The following GRIN3A variants were observed in gnomAD, a reference collection of about 807,000 sequenced individuals.
GRIN3A encodes the protein glutamate ionotropic receptor NMDA type subunit 3A, also known as glutamate receptor ionotropic, NMDA 3A.
A neutral mutation model predicts 92.4 loss-of-function variants in GRIN3A; 47 were observed. The ratio of observed to expected loss-of-function variants is 0.51; its 90% CI spans 0.40 to 0.65. The LOEUF (loss-of-function observed/expected upper bound fraction) is 0.65, where lower values mean the gene tolerates loss of function less well. Ranked by LOEUF, GRIN3A falls within the 30% of genes least tolerant of loss-of-function variation. The pLI is 0.00. For synonymous variants in GRIN3A, 527 were observed against 540.6 expected (o/e 0.97, Z 0.35); for missense variants, 1,324 against 1,393.1 (o/e 0.95, Z 0.79).
At chr9:101,659,747 A>C (rs1174578722) in intron 3 of GRIN3A, among the ~76,000 whole-genome samples, 1 of 151,840 alleles carries the variant, frequency 6.6e-6, no homozygotes, top group Non-Finnish European at 1.5e-5. Context: ...ATGATCTTAG[A>C]CTTTCATTAA....
intron 1 of GRIN3A, among the ~76,000 whole-genome samples, chr9:101,726,579 A>T (rs1830084079): frequency 6.6e-6 from 1 of 152,140 alleles, no homozygotes; most frequent in African/African-American, 2.4e-5. Flanking sequence ...ATAACAATCC[A>T]ATAGAACTTC....
chr9:101,583,182 C>T (rs1019119349), intron 6 of GRIN3A, among the ~76,000 whole-genome samples: 6 of 152,192 alleles, frequency 3.9e-5, no homozygotes, highest in African/African-American at 1.4e-4. Flanking sequence ...ATCCAGGCTG[C>T]GGATCCAGGA....
intron 1 of GRIN3A, among the ~76,000 whole-genome samples, chr9:101,734,837 G>A (rs1830182162): frequency 6.6e-6 from 1 of 151,888 alleles, no homozygotes; most frequent in African/African-American, 2.4e-5. Flanking sequence ...CTTTCTTCTC[G>A]AATCCTTTAT....
At chr9:101,663,185 T>C (rs1409388597) in intron 3 of GRIN3A, among the ~76,000 whole-genome samples, 1 of 151,876 alleles carries the variant, frequency 6.6e-6, no homozygotes, top group Non-Finnish European at 1.5e-5. Context: ...TTTAACTCAT[T>C]TATCTCATTC....
chr9:101,722,124 C>G (rs1258280817), intron 1 of GRIN3A, among the ~76,000 whole-genome samples: 5 of 152,184 alleles, frequency 3.3e-5, no homozygotes, highest in Admixed American at 6.5e-5. Flanking sequence ...GCATTGGTGC[C>G]CCGTGTCCCA....
intron 1 of GRIN3A, among the ~76,000 whole-genome samples, chr9:101,687,424 G>T (rs947181727): frequency 5.3e-5 from 8 of 152,140 alleles, no homozygotes; most frequent in Non-Finnish European, 1.2e-4. Context: ...ACCAGAGGGT[G>T]GATGGTTCTT....
chr9:101,718,650 A>G (rs1162490780), intron 1 of GRIN3A, among the ~76,000 whole-genome samples: 3 of 152,242 alleles, frequency 2.0e-5, no homozygotes, highest in Admixed American at 6.5e-5. Flanking sequence ...TTACATTAAT[A>G]TAACACTGAA....
In GRIN3A at chr9:101,569,644, G is replaced by C. The variant is rs1827733172; in HGVS notation, c.*3530C>G. 6.6e-6 allele frequency: 1 copy of C among 152,084 alleles called. No homozygotes were observed. The highest frequency in any genetic ancestry group is 2.4e-5 in the African/African-American group (1 of 41,414). 9.4% of individuals were successfully genotyped at this position (152,084 alleles called of 1,614,324 possible). On this transcript the variant is annotated 3_prime_UTR_variant, in exon 9 of 9. Transcript: ENST00000361820. The stretch of plus-strand genomic sequence containing the variant: ...TAAAAAAAAAGAGTGAGGGAATCCT[G>C]GATTAGATGGATAGTTTAGGTGGGT...
At chr9:101,641,665 G>T (rs1828865481) in intron 3 of GRIN3A, among the ~76,000 whole-genome samples, 1 of 151,884 alleles carries the variant, frequency 6.6e-6, no homozygotes, top group South Asian at 2.1e-4. Flanking sequence ...AGCATTAGGA[G>T]ATATACCTAA....
chr9:101,658,478 G>C (rs1829120785), intron 3 of GRIN3A, among the ~76,000 whole-genome samples: 1 of 151,672 alleles, frequency 6.6e-6, no homozygotes, highest in Non-Finnish European at 1.5e-5. Flanking sequence ...TTTGCCAATT[G>C]ATTTACCTCC....
intron 2 of GRIN3A, among the ~76,000 whole-genome samples, chr9:101,675,352 A>G (rs951600789): frequency 2.0e-5 from 3 of 152,050 alleles, no homozygotes; most frequent in Non-Finnish European, 2.9e-5. Context: ...GACAGTTCAC[A>G]GTATAAGCAA....
At chr9:101,709,642 T>C (rs1323991981) in intron 1 of GRIN3A, among the ~76,000 whole-genome samples, 2 of 152,256 alleles carry the variant, frequency 1.3e-5, no homozygotes, top group African/African-American at 4.8e-5. Context: ...AGTTTGTTCA[T>C]TTGTAATTTG....
intron 1 of GRIN3A, among the ~76,000 whole-genome samples, chr9:101,696,264 A>T (rs1292390800): frequency 6.6e-6 from 1 of 152,236 alleles, no homozygotes; most frequent in Non-Finnish European, 1.5e-5. Context: ...AAAGTGCTTT[A>T]TGAAGTGGAG....
At chr9:101,590,538 C>T (rs548573440) in intron 6 of GRIN3A, among the ~76,000 whole-genome samples, 69 of 151,870 alleles carry the variant, frequency 4.5e-4, no homozygotes, top group Non-Finnish European at 8.5e-4. Flanking sequence ...CGTGCCACCA[C>T]GCCCAGCTAA....
rs114516319 is a variant in GRIN3A, at chr9:101,732,286, G to A, written c.699+4995C>T. Among the ~76,000 whole-genome samples, 1,242 of 152,246 alleles carry A rather than the reference G, an allele frequency of 8.2e-3. 19 individuals are homozygous for A. The highest frequency in any genetic ancestry group is 0.028 in the African/African-American group (1,174 of 41,542). On this transcript the variant is annotated intron_variant, in intron 1 of 8. Coordinates refer to ENST00000361820, the MANE Select transcript of GRIN3A (RefSeq NM_133445.3). ...ATGTTTGCTTTGTGGTGTAGTTGGCGGAATAGGAGTGAGAGTGGGGTAGAC... is the reference window on the plus strand; with the variant it reads ...ATGTTTGCTTTGTGGTGTAGTTGGCAGAATAGGAGTGAGAGTGGGGTAGAC...
At chr9:101,596,834 G>A (rs1828139890) in intron 6 of GRIN3A, among the ~76,000 whole-genome samples, 1 of 152,222 alleles carries the variant, frequency 6.6e-6, no homozygotes, top group East Asian at 1.9e-4. Flanking sequence ...GAAGGGTGAG[G>A]ATCCCACTGG....
intron 3 of GRIN3A, among the ~76,000 whole-genome samples, chr9:101,663,435 T>C (rs1829201456): frequency 6.6e-6 from 1 of 151,850 alleles, no homozygotes; most frequent in African/African-American, 2.4e-5. Flanking sequence ...GAAGTTGCTG[T>C]TATTGAATGA....
At chr9:101,687,498 C>A (rs901806981) in intron 1 of GRIN3A, among the ~76,000 whole-genome samples, 3 of 152,170 alleles carry the variant, frequency 2.0e-5, no homozygotes, top group Non-Finnish European at 4.4e-5. Context: ...AGCTTGTCTA[C>A]TGCCATATAG....
chr9:101,716,040 AT>A (rs1420933620), intron 1 of GRIN3A, among the ~76,000 whole-genome samples: 3 of 152,182 alleles, frequency 2.0e-5, no homozygotes, highest in African/African-American at 7.2e-5. Context: ...CTTTTTCCAA[AT>A]CATCCAGAAG....
Sources: allele counts gnomAD v4.1 joint callset (sites outside exome capture counted in the v4.1 genomes callset), GRCh38; gene constraint gnomAD v4.1.1; transcripts MANE v1.5; gene names NCBI Gene and HGNC (gene_info 2026-07-23, HGNC 2026-07-21).